The following ASTN2 variants were observed in gnomAD, a reference collection of about 807,000 sequenced individuals.
ASTN2 encodes astrotactin-2.
Under a neutral mutation model 139.8 loss-of-function variants are expected in ASTN2, and 54 were observed. That is an observed-to-expected ratio of 0.39 (90% CI 0.31 to 0.48). The LOEUF (loss-of-function observed/expected upper bound fraction) is 0.48. Among genes scored for constraint, ASTN2 ranks in the 20% least tolerant of loss-of-function variants. ASTN2 has a pLI of 0.95. For synonymous variants in ASTN2, 756 were observed against 719.5 expected (o/e 1.05, Z -0.81); for missense variants, 1,565 against 1,725.1 (o/e 0.91, Z 1.64).
intron 10 of ASTN2, among the ~76,000 whole-genome samples, chr9:116,968,491 A>G (rs1389489576): frequency 1.3e-5 from 2 of 152,158 alleles, no homozygotes; most frequent in Admixed American, 6.5e-5. Flanking sequence ...TTAACAGCTG[A>G]AAAAAGAGAG....
intron 7 of ASTN2, among the ~76,000 whole-genome samples, chr9:116,986,549 A>G (rs1836688814): frequency 6.6e-6 from 1 of 152,194 alleles, no homozygotes. Flanking sequence ...CTCACCAGTG[A>G]AAAGGGAGGG....
At chr9:116,789,701 C>A (rs1237212529) in intron 13 of ASTN2, among the ~76,000 whole-genome samples, 3 of 151,996 alleles carry the variant, frequency 2.0e-5, no homozygotes, top group Non-Finnish European at 4.4e-5. Flanking sequence ...ATTAATGTGA[C>A]CTTAGAATAG....
At chr9:117,266,066 G>C (rs1833932707) in intron 2 of ASTN2, among the ~76,000 whole-genome samples, 1 of 152,176 alleles carries the variant, frequency 6.6e-6, no homozygotes, top group South Asian at 2.1e-4. Flanking sequence ...CAGATCCCTA[G>C]GTTGTGCCAG....
rs138335775 is a variant in ASTN2, at chr9:116,966,211, C to T, written c.1889+8997G>A. 1.1e-4 allele frequency among the ~76,000 whole-genome samples: 16 copies of T among 152,332 alleles called. No individual in the cohort carries two copies. The East Asian group carries it at 3.1e-3, about 29-fold the overall frequency. ...AACTCATTTCTCAGTTTCACTGTAT[C>T]TGCAAAGCTTTCTATAATTCAACAT... On this transcript the variant is annotated intron_variant, in intron 10 of 22. Coordinates refer to ENST00000313400, the MANE Select transcript of ASTN2 (RefSeq NM_001365068.1).
At chr9:117,279,134 T>C (rs1226498039) in intron 2 of ASTN2, among the ~76,000 whole-genome samples, 1 of 152,240 alleles carries the variant, frequency 6.6e-6, no homozygotes, top group Non-Finnish European at 1.5e-5. Context: ...CCTTCTTCCA[T>C]GGTCCAGGGT....
At chr9:117,196,152 T>C (rs982211298) in intron 3 of ASTN2, among the ~76,000 whole-genome samples, 6 of 152,160 alleles carry the variant, frequency 3.9e-5, no homozygotes, top group Admixed American at 1.3e-4. Context: ...TCAGCCATAC[T>C]CCAGCTGTGT....
At position 116,675,139 on chromosome 9, in the gene ASTN2, C is replaced by T. The variant is rs147161778; in HGVS notation, c.2807-23346G>A. ...TGGATCCAGAGGCCAGCCCAAGTGG[C>T]TGCCTAGTTCTTTTGGACTGGGGCT... On this transcript the variant is annotated intron_variant, in intron 16 of 22. Coordinates refer to ENST00000313400, the MANE Select transcript of ASTN2 (RefSeq NM_001365068.1). Among the ~76,000 whole-genome samples the T allele has an allele frequency of 4.6e-3, 701 of 152,278 alleles. 3 individuals carry two copies. Among genetic ancestry groups the T allele is most frequent in the African/African-American group, 0.016 (669 of 41,558 alleles).
chr9:117,326,372 G>A (rs573157371), intron 1 of ASTN2, among the ~76,000 whole-genome samples: 1 of 152,148 alleles, frequency 6.6e-6, no homozygotes, highest in Admixed American at 6.5e-5. Flanking sequence ...ACTCAAACAA[G>A]CTTTAGCTCC....
At chr9:117,083,760 A>C (rs569848907) in intron 5 of ASTN2, among the ~76,000 whole-genome samples, 32 of 152,130 alleles carry the variant, frequency 2.1e-4, no homozygotes, top group Non-Finnish European at 3.4e-4. Flanking sequence ...AACTAAAATG[A>C]CATGTTTGCT....
intron 11 of ASTN2, among the ~76,000 whole-genome samples, chr9:116,844,849 C>A (rs1216944534): frequency 6.6e-6 from 1 of 152,188 alleles, no homozygotes; most frequent in Non-Finnish European, 1.5e-5. Flanking sequence ...TCAACACACA[C>A]TTACTGAAGA....
chr9:117,261,626 C>T (rs1393770769), intron 2 of ASTN2, among the ~76,000 whole-genome samples: 2 of 152,138 alleles, frequency 1.3e-5, no homozygotes, highest in African/African-American at 4.8e-5. Context: ...TAAAATGTCT[C>T]CCATGACTCT....
At chr9:116,672,972 A>T (rs1480089877) in intron 16 of ASTN2, among the ~76,000 whole-genome samples, 1 of 152,246 alleles carries the variant, frequency 6.6e-6, no homozygotes, top group Non-Finnish European at 1.5e-5. Context: ...CAATTGAGAC[A>T]AGAAAACAGG....
intron 3 of ASTN2, among the ~76,000 whole-genome samples, chr9:117,146,304 G>C (rs1039497117): frequency 6.6e-6 from 1 of 152,006 alleles, no homozygotes; most frequent in Non-Finnish European, 1.5e-5. Flanking sequence ...ATCGCGGCAG[G>C]CCCAGGAAAG....
At chr9:117,291,567 C>T in intron 1 of ASTN2, 54 bp from the exon 2 acceptor site, 1 of 1,505,142 alleles carries the variant, frequency 6.6e-7, no homozygotes, top group Non-Finnish European at 8.9e-7. Flanking sequence ...CCTTGGTGCT[C>T]CAGGGAGGAA....
At chr9:116,695,722 C>G (rs1401747504) in intron 16 of ASTN2, among the ~76,000 whole-genome samples, 2 of 152,120 alleles carry the variant, frequency 1.3e-5, no homozygotes, top group African/African-American at 4.8e-5. Context: ...TAGACCTATT[C>G]ATTCTGATTT....
chr9:117,180,561 A>T, intron 3 of ASTN2: 1 of 728,542 alleles, frequency 1.4e-6, no homozygotes, highest in Non-Finnish European at 2.3e-6. Flanking sequence ...CAGCACACTC[A>T]CAGCAATCAT....
At chr9:117,193,863 G>C (rs1311925869) in intron 3 of ASTN2, among the ~76,000 whole-genome samples, 1 of 152,174 alleles carries the variant, frequency 6.6e-6, no homozygotes, top group African/African-American at 2.4e-5. Context: ...TAGTAAGGGA[G>C]TTCCCCAGGC....
chr9:117,114,176 T>A (rs374360019), intron 4 of ASTN2, among the ~76,000 whole-genome samples: 1,851 of 72,402 alleles, frequency 0.026, 38 homozygotes, highest in African/African-American at 0.061. Context: ...CTTTTTTTTT[T>A]TTAAAAAAAA....
At chr9:117,189,990 T>A (rs542730159) in intron 3 of ASTN2, among the ~76,000 whole-genome samples, 3 of 152,350 alleles carry the variant, frequency 2.0e-5, no homozygotes, top group South Asian at 2.1e-4. Context: ...ATACTCTGGG[T>A]TCCCACTGCT....
Sources: gnomAD v4.1 joint callset for allele counts (sites outside exome capture counted in the v4.1 genomes callset) on GRCh38, gnomAD v4.1.1 for gene constraint, MANE v1.5 for transcripts, NCBI Gene and HGNC (gene_info 2026-07-23, HGNC 2026-07-21) for gene names.